The following RFTN1 variants were observed in gnomAD, a reference collection of about 807,000 sequenced individuals.
The protein encoded by RFTN1 is raftlin.
Under a neutral mutation model 46.5 loss-of-function variants are expected in RFTN1, and 26 were observed. The observed-to-expected ratio is 0.56, with a 90% CI of 0.41 to 0.78. The LOEUF is 0.78. Among genes scored for constraint, RFTN1 ranks in the 30% least tolerant of loss-of-function variants. The probability of loss-of-function intolerance (pLI) is 0.00; values close to 1 mark genes in which losing one functional copy is unlikely to be tolerated. For missense variants in RFTN1, 693 were observed against 718.7 expected (o/e 0.96, Z 0.41); for synonymous variants, 261 against 284.2 (o/e 0.92, Z 0.82).
chr3:16,386,510 T>C (rs1434506028), intron 4 of RFTN1, among the ~76,000 whole-genome samples: 1 of 152,218 alleles, frequency 6.6e-6, no homozygotes, highest in East Asian at 1.9e-4. Flanking sequence ...GATTCAAACC[T>C]AGGCAGCTGG....
rs2075976704 is a variant in RFTN1, at chr3:16,459,747, T to C, written c.146-25710A>G. On this transcript the variant is annotated intron_variant, in intron 2 of 9. Coordinates refer to ENST00000334133, the MANE Select transcript of RFTN1 (RefSeq NM_015150.2). The surrounding 1 kb of genome is among the most constrained non-coding windows in gnomAD (Gnocchi z 4.2). ...CATCACTTATATCTAGTCAATATCA[T>C]CATGTTATAGAAAAAAGTTGAAAAA... Among the ~76,000 whole-genome samples the C allele has an allele frequency of 6.6e-6, 1 of 151,718 alleles. No homozygotes were observed. The highest frequency in any genetic ancestry group is 2.4e-5 in the African/African-American group (1 of 41,038).
chr3:16,493,050 C>G (rs1266922090), intron 2 of RFTN1, among the ~76,000 whole-genome samples: 2 of 152,218 alleles, frequency 1.3e-5, no homozygotes, highest in East Asian at 3.8e-4. Flanking sequence ...AGATGGCAGA[C>G]AACAGGCAGG....
At chr3:16,409,829 C>T (rs573674916) in intron 3 of RFTN1, among the ~76,000 whole-genome samples, 17 of 151,934 alleles carry the variant, frequency 1.1e-4, no homozygotes, top group East Asian at 3.9e-4. Flanking sequence ...GGACTACAGG[C>T]GCCCGCCACT....
chr3:16,415,816 C>G (rs1230757820), intron 3 of RFTN1, among the ~76,000 whole-genome samples: 1 of 152,116 alleles, frequency 6.6e-6, no homozygotes, highest in Non-Finnish European at 1.5e-5. Context: ...AATCTTCTCT[C>G]CAAGTTACTT....
Position 16,381,408 on chromosome 3 carries a change from T to A in RFTN1, c.442-3306A>T, listed in dbSNP as rs1454202140. 6.6e-6 allele frequency among the ~76,000 whole-genome samples: 1 copy of A among 152,212 alleles called. No individual in the cohort carries two copies. Among genetic ancestry groups the A allele is most frequent in the Non-Finnish European group, 1.5e-5 (1 of 68,042 alleles). On this transcript the variant is annotated intron_variant, in intron 4 of 9. Coordinates refer to ENST00000334133, the MANE Select transcript of RFTN1 (RefSeq NM_015150.2). This position sits in a 1 kb window ranked among gnomAD's most constrained non-coding sequence, Gnocchi z 4.2. ...ATAGACATGACAGTGACAATGGTGA[T>A]TATTTCTGCCTGAAGGGGAGGTTGA...
At position 16,459,236 on chromosome 3, in the gene RFTN1, T is replaced by G. The variant is rs2075965810; in HGVS notation, c.146-25199A>C. Among the ~76,000 whole-genome samples, 1 of 152,200 alleles carries G rather than the reference T, an allele frequency of 6.6e-6. No homozygotes were observed. Among genetic ancestry groups the G allele is most frequent in the Non-Finnish European group, 1.5e-5 (1 of 68,038 alleles). ...ATGAGCCACTGTGCCTGGCCACTACTGTGTTTTCTGAAGGAAATTAGTTTT... is the reference window on the plus strand; with the variant it reads ...ATGAGCCACTGTGCCTGGCCACTACGGTGTTTTCTGAAGGAAATTAGTTTT... On this transcript the variant is annotated intron_variant, in intron 2 of 9. Coordinates refer to ENST00000334133, the MANE Select transcript of RFTN1 (RefSeq NM_015150.2). The surrounding 1 kb of genome is among the most constrained non-coding windows in gnomAD (Gnocchi z 4.2).
intron 7 of RFTN1, among the ~76,000 whole-genome samples, chr3:16,331,467 A>G (rs2070303436): frequency 6.6e-6 from 1 of 152,220 alleles, no homozygotes; most frequent in Non-Finnish European, 1.5e-5. Flanking sequence ...TGCTGGGTCA[A>G]ATAATGCACT....
chr3:16,496,061 C>A (rs2076621302), intron 1 of RFTN1, among the ~76,000 whole-genome samples: 1 of 152,344 alleles, frequency 6.6e-6, no homozygotes, highest in East Asian at 1.9e-4. Context: ...AACTTCTGTT[C>A]CTCAAAACCC....
At chr3:16,461,056 A>T (rs1359775684) in intron 2 of RFTN1, among the ~76,000 whole-genome samples, 1 of 152,278 alleles carries the variant, frequency 6.6e-6, no homozygotes, top group Non-Finnish European at 1.5e-5. Context: ...AATATGGGCC[A>T]GTGCCAGGAA....
At position 16,498,566 on chromosome 3, in the gene RFTN1, A is replaced by T. The variant is rs1575377454; in HGVS notation, c.-8-4689T>A. 6.6e-6 allele frequency among the ~76,000 whole-genome samples: 1 copy of T among 152,314 alleles called. No homozygotes were observed. The highest frequency in any genetic ancestry group is 2.4e-5 in the African/African-American group (1 of 41,564). ...AATCCTTGAATCTCAAATTTTAGAG[A>T]CTGATTTCTCTGGAGTGCGTGCAAC... On this transcript the variant is annotated intron_variant, in intron 1 of 9. Coordinates refer to ENST00000334133, the MANE Select transcript of RFTN1 (RefSeq NM_015150.2). The surrounding 1 kb of genome is among the most constrained non-coding windows in gnomAD (Gnocchi z 5.2).
In RFTN1 at chr3:16,344,421, AGGC is replaced by A. The variant is rs908669247; in HGVS notation, c.1146+13508_1146+13510del. On this transcript the variant is annotated intron_variant, in intron 7 of 9. Transcript: ENST00000334133. The surrounding 1 kb of genome is among the most constrained non-coding windows in gnomAD (Gnocchi z 4.4). Reference sequence around the variant, plus strand: ...ATGTAAAAACAGATACATTCAGAAAAGGCGGCTCTGGTTGACACTGGCATGGGT... The same window carrying A: ...ATGTAAAAACAGATACATTCAGAAAAGGCTCTGGTTGACACTGGCATGGGT... Among the ~76,000 whole-genome samples, 3 of 152,126 alleles carry A rather than the reference AGGC, an allele frequency of 2.0e-5. No individual in the cohort carries two copies. The highest frequency in any genetic ancestry group is 6.5e-5 in the Admixed American group (1 of 15,278).
chr3:16,412,305 A>G lies in RFTN1; in HGVS notation c.333-2822T>C, dbSNP rs571738849. ...CTGAAGAATGGCTGAAAGGGAGAGG[A>G]AGGGGGAAAAATCCCTAAACCCCTT... On this transcript the variant is annotated intron_variant, in intron 3 of 9. Transcript: ENST00000334133. Among the ~76,000 whole-genome samples the G allele has an allele frequency of 2.6e-5, 4 of 152,326 alleles. No homozygotes were observed. In the East Asian group the frequency reaches 7.7e-4, roughly 29 times the overall value.
intron 6 of RFTN1, among the ~76,000 whole-genome samples, chr3:16,358,377 A>G (rs935163007): frequency 6.6e-6 from 1 of 152,206 alleles, no homozygotes; most frequent in African/African-American, 2.4e-5. Flanking sequence ...TATCCAGGGT[A>G]AAACACAGTC....
Position 16,322,859 on chromosome 3 carries a change from G to A in RFTN1, c.1332+517C>T, listed in dbSNP as rs2125199459. ...TGAGGACTTGCTGCCACAGGCTACAGCTAGCATCACCAGCTGTCACACAGA... is the reference window on the plus strand; with the variant it reads ...TGAGGACTTGCTGCCACAGGCTACAACTAGCATCACCAGCTGTCACACAGA... On this transcript the variant is annotated intron_variant, in intron 9 of 9. Coordinates refer to ENST00000334133, the MANE Select transcript of RFTN1 (RefSeq NM_015150.2). The surrounding 1 kb of genome is among the most constrained non-coding windows in gnomAD (Gnocchi z 6.2). 1.3e-5 allele frequency among the ~76,000 whole-genome samples: 2 copies of A among 152,256 alleles called. No individual in the cohort carries two copies. Among genetic ancestry groups the A allele is most frequent in the African/African-American group, 4.8e-5 (2 of 41,564 alleles).
intron 9 of RFTN1, among the ~76,000 whole-genome samples, chr3:16,319,030 AAGCCTCCAT>A (rs1371468983): frequency 7.2e-5 from 11 of 152,208 alleles, no homozygotes; most frequent in Admixed American, 5.9e-4. Flanking sequence ...TGCCTCCACC[AAGCCTCCAT>A]AGTTTCCAGG....
At chr3:16,471,035 A>G (rs2076185690) in intron 2 of RFTN1, among the ~76,000 whole-genome samples, 1 of 152,210 alleles carries the variant, frequency 6.6e-6, no homozygotes, top group African/African-American at 2.4e-5. Context: ...CACTACCTCT[A>G]AAAAATAAAA....
In RFTN1 at chr3:16,400,878, C is replaced by CTGTA. The variant is rs549343680; in HGVS notation, c.441+8493_441+8496dup. 2.6e-4 allele frequency among the ~76,000 whole-genome samples: 39 copies of CTGTA among 152,250 alleles called. No homozygotes were observed. The South Asian group carries it at 8.1e-3, about 32-fold the overall frequency. ...TTTCCTCCATTAGGAACATCTAAGC[C>CTGTA]TGTAACCTTCCTCCTCCCTCCCCTG... On this transcript the variant is annotated intron_variant, in intron 4 of 9. Coordinates refer to ENST00000334133, the MANE Select transcript of RFTN1 (RefSeq NM_015150.2). The surrounding 1 kb of genome is among the most constrained non-coding windows in gnomAD (Gnocchi z 4.5).
At chr3:16,417,627 C>G (rs2075108339) in intron 3 of RFTN1, among the ~76,000 whole-genome samples, 1 of 152,194 alleles carries the variant, frequency 6.6e-6, no homozygotes, top group South Asian at 2.1e-4. Flanking sequence ...CACCACCACC[C>G]TAGCGTCTGC....
chr3:16,443,953 G>A lies in RFTN1; in HGVS notation c.146-9916C>T, dbSNP rs377591974. Among the ~76,000 whole-genome samples, 2 of 152,128 alleles carry A rather than the reference G, an allele frequency of 1.3e-5. No homozygotes were observed. Among genetic ancestry groups the A allele is most frequent in the South Asian group, 2.1e-4 (1 of 4,826 alleles). ...AAGATACATCAAGAAGCCTTTTTAA[G>A]AAACACCAGGTCCCCTGATGCTTAG... is the stretch of plus-strand genomic sequence containing the variant. On this transcript the variant is annotated intron_variant, in intron 2 of 9. Coordinates refer to ENST00000334133, the MANE Select transcript of RFTN1 (RefSeq NM_015150.2). This position sits in a 1 kb window ranked among gnomAD's most constrained non-coding sequence, Gnocchi z 5.5.
Sources: allele counts gnomAD v4.1 joint callset (sites outside exome capture counted in the v4.1 genomes callset), GRCh38; gene constraint gnomAD v4.1.1; non-coding constraint Gnocchi (gnomAD v3.1); transcripts MANE v1.5; gene names NCBI Gene and HGNC (gene_info 2026-07-23, HGNC 2026-07-21).